The following RBFOX1 variants were observed in gnomAD, a reference collection of about 807,000 sequenced individuals.
RBFOX1 encodes the protein RNA binding fox-1 homolog 1, also known as RNA binding protein fox-1 homolog 1.
RBFOX1 carries 8 observed loss-of-function variants against 57.7 expected under a neutral mutation model. That is an observed-to-expected ratio of 0.14 (90% CI 0.08 to 0.25). The LOEUF is 0.25. RBFOX1 is among the 10% of genes least tolerant of loss of function. The pLI, the probability that RBFOX1 is intolerant of heterozygous loss-of-function variation, is 1.00. For missense variants in RBFOX1, 611 were observed against 548.5 expected, an observed-to-expected ratio of 1.11 and a Z score of -1.14; for synonymous variants, 326 against 222.4, an observed-to-expected ratio of 1.47 and a Z score of -4.15.
chr16:7,179,956 A>G (rs1183254516), intron 4 of RBFOX1, among the ~76,000 whole-genome samples: 2 of 151,692 alleles, frequency 1.3e-5, no homozygotes, highest in African/African-American at 4.8e-5. Flanking sequence ...TTTGCCAGGC[A>G]GATCTAGAAC....
At chr16:7,530,387 A>G (rs1183511933) in intron 5 of RBFOX1, among the ~76,000 whole-genome samples, 1 of 152,162 alleles carries the variant, frequency 6.6e-6, no homozygotes, top group Non-Finnish European at 1.5e-5. Flanking sequence ...TGCCTTTAGA[A>G]GCACGCTGAG....
At chr16:7,116,375 T>C (rs955976427) in intron 4 of RBFOX1, among the ~76,000 whole-genome samples, 1 of 152,114 alleles carries the variant, frequency 6.6e-6, no homozygotes, top group African/African-American at 2.4e-5. Context: ...GGCAAAGTAT[T>C]ATGTTTCACA....
intron 10 of RBFOX1, among the ~76,000 whole-genome samples, chr16:7,613,296 TGACTGCAAAGTCACA>T (rs1260754646): frequency 6.6e-6 from 1 of 152,214 alleles, no homozygotes; most frequent in Non-Finnish European, 1.5e-5. Flanking sequence ...GCGCCATGCC[TGACTGCAAAGTCACA>T]TTTGAAAGGT....
rs146393780 is a variant in RBFOX1 at position 6,121,772 on chromosome 16, C to T, written c.-127+101780C>T. ...GGTGAACAAGTTCATTGATCTCTCTCAGACTGTTTCCTCCTCTGTAAAAGA... is the reference window on the plus strand; with the variant it reads ...GGTGAACAAGTTCATTGATCTCTCTTAGACTGTTTCCTCCTCTGTAAAAGA... On this transcript the variant is annotated intron_variant, in intron 1 of 15. Transcript: ENST00000550418. 1.0e-3 allele frequency among the ~76,000 whole-genome samples: 158 copies of T among 152,302 alleles called. 1 individual carries two copies. Among genetic ancestry groups the T allele is most frequent in the African/African-American group, 3.5e-3 (147 of 41,556 alleles).
chr16:7,384,889 T>C (rs1465821840), intron 4 of RBFOX1, among the ~76,000 whole-genome samples: 1 of 152,198 alleles, frequency 6.6e-6, no homozygotes, highest in Admixed American at 6.5e-5. Flanking sequence ...AATTAATATA[T>C]GGTTAGTGAC....
intron 2 of RBFOX1, among the ~76,000 whole-genome samples, chr16:5,570,181 C>CT (rs763527887): frequency 4.6e-5 from 7 of 151,972 alleles, no homozygotes; most frequent in African/African-American, 7.3e-5. Flanking sequence ...CTCACTCTCT[C>CT]TTTTTTTTCC....
At chr16:6,237,802 C>T (rs1219286366) in intron 1 of RBFOX1, among the ~76,000 whole-genome samples, 1 of 151,648 alleles carries the variant, frequency 6.6e-6, no homozygotes, top group Non-Finnish European at 1.5e-5. Context: ...CAAAGAAATA[C>T]CTGCCTTATG....
chr16:6,257,904 T>C (rs560291396), intron 1 of RBFOX1, among the ~76,000 whole-genome samples: 35 of 152,338 alleles, frequency 2.3e-4, no homozygotes, highest in African/African-American at 7.7e-4. Flanking sequence ...TGTGTCTTTA[T>C]ACTAGAATGA....
intron 14 of RBFOX1, among the ~76,000 whole-genome samples, chr16:7,704,919 C>G (rs540074505): frequency 6.6e-6 from 1 of 151,862 alleles, no homozygotes; most frequent in Non-Finnish European, 1.5e-5. Flanking sequence ...TGGTGATGGG[C>G]GCCTGTAATC....
chr16:5,866,085 A>G (rs761545226), intron 3 of RBFOX1, among the ~76,000 whole-genome samples: 1 of 152,152 alleles, frequency 6.6e-6, no homozygotes, highest in Non-Finnish European at 1.5e-5. Context: ...CTCCTGCCTC[A>G]GCCTCCCGAG....
At chr16:5,425,191 C>A (rs1340085042) in intron 1 of RBFOX1, among the ~76,000 whole-genome samples, 1 of 151,368 alleles carries the variant, frequency 6.6e-6, no homozygotes, top group South Asian at 2.1e-4. Context: ...CTGCAACCTC[C>A]GACTCCTTGG....
At chr16:7,652,914 A>G (rs900502904) in intron 11 of RBFOX1, among the ~76,000 whole-genome samples, 1 of 152,186 alleles carries the variant, frequency 6.6e-6, no homozygotes, top group East Asian at 1.9e-4. Flanking sequence ...TTAAGAAGTG[A>G]TATCTGTACA....
At chr16:6,653,965 T>A (rs898189297) in intron 2 of RBFOX1, among the ~76,000 whole-genome samples, 2 of 125,644 alleles carry the variant, frequency 1.6e-5, no homozygotes, top group African/African-American at 3.3e-5. Flanking sequence ...GGATGGATGG[T>A]TGGACGGATG....
intron 11 of RBFOX1, among the ~76,000 whole-genome samples, chr16:7,641,399 A>G (rs893327975): frequency 1.3e-5 from 2 of 152,222 alleles, no homozygotes; most frequent in Admixed American, 1.3e-4. Flanking sequence ...TATATAAAAG[A>G]ACTGTCATGC....
At chr16:6,238,549 AAAGTGTCATT>A (rs2097523459) in intron 1 of RBFOX1, among the ~76,000 whole-genome samples, 2 of 152,324 alleles carry the variant, frequency 1.3e-5, no homozygotes, top group South Asian at 2.1e-4. Context: ...TGACCCAGAT[AAAGTGTCATT>A]AAGTATGTAT....
chr16:5,555,949 A>G (rs1414313030), intron 2 of RBFOX1, among the ~76,000 whole-genome samples: 2 of 151,922 alleles, frequency 1.3e-5, no homozygotes, highest in African/African-American at 4.8e-5. Flanking sequence ...TGAACCCTGG[A>G]GGTGGAGGTT....
At chr16:7,703,069 T>TA (rs1486848801) in intron 14 of RBFOX1, among the ~76,000 whole-genome samples, 19 of 152,136 alleles carry the variant, frequency 1.2e-4, no homozygotes. Flanking sequence ...TCCCTTTAGC[T>TA]AGACCATGGC....
intron 3 of RBFOX1, among the ~76,000 whole-genome samples, chr16:6,820,160 A>G (rs775120540): frequency 6.6e-6 from 1 of 152,174 alleles, no homozygotes; most frequent in Non-Finnish European, 1.5e-5. Flanking sequence ...GCCGCCATAT[A>G]AGACATACCT....
intron 1 of RBFOX1, among the ~76,000 whole-genome samples, chr16:6,201,027 G>A (rs190225462): frequency 6.6e-6 from 1 of 151,390 alleles, no homozygotes; most frequent in Non-Finnish European, 1.5e-5. Context: ...AGTTTTTTTA[G>A]CTCCCACATA....
Sources: allele counts gnomAD v4.1 joint callset (sites outside exome capture counted in the v4.1 genomes callset), GRCh38; gene constraint gnomAD v4.1.1; transcripts MANE v1.5; gene names NCBI Gene and HGNC (gene_info 2026-07-23, HGNC 2026-07-21).